The following SDK1 variants were observed in gnomAD, a reference collection of about 807,000 sequenced individuals.
SDK1 encodes the protein protein sidekick-1.
Under a neutral mutation model 245.5 loss-of-function variants are expected in SDK1, and 157 were observed. That is an observed-to-expected ratio of 0.64 (90% CI 0.56 to 0.73). The LOEUF is 0.73. Among genes scored for constraint, SDK1 ranks in the 30% least tolerant of loss-of-function variants. SDK1 has a pLI of 0.00. For missense variants in SDK1, 3,583 were observed against 3,002.3 expected (o/e 1.19, Z -4.52); for synonymous variants, 1,647 against 1,278.5 (o/e 1.29, Z -6.15).
intron 22 of SDK1, among the ~76,000 whole-genome samples, chr7:4,096,078 A>C (rs1377604686): frequency 6.6e-6 from 1 of 152,184 alleles, no homozygotes; most frequent in Non-Finnish European, 1.5e-5. Flanking sequence ...TAAAGCGTCC[A>C]CTTTCCTGTG....
chr7:3,723,943 TAGAGAGAGAGAGAGAGAG>T (rs542853903), intron 4 of SDK1, among the ~76,000 whole-genome samples: 1 of 89,696 alleles, frequency 1.1e-5, no homozygotes, highest in East Asian at 3.0e-4. Flanking sequence ...TATATATATA[TAGAGAGAGAGAGAGAGAG>T]AGAGAGAGAG....
chr7:3,779,690 T>C (rs570380026), intron 4 of SDK1, among the ~76,000 whole-genome samples: 9 of 151,828 alleles, frequency 5.9e-5, no homozygotes, highest in African/African-American at 1.9e-4. Context: ...CCCAGCACTT[T>C]GGGAGGCCGA....
At chr7:3,776,121 T>C (rs1332551406) in intron 4 of SDK1, among the ~76,000 whole-genome samples, 1 of 152,230 alleles carries the variant, frequency 6.6e-6, no homozygotes. Flanking sequence ...TCATGTATGC[T>C]GTGTGATCAG....
chr7:3,782,419 G>T (rs1450909228), intron 4 of SDK1, among the ~76,000 whole-genome samples: 1 of 152,196 alleles, frequency 6.6e-6, no homozygotes, highest in East Asian at 1.9e-4. Flanking sequence ...AGTTTACCGT[G>T]AGATTGAGAG....
chr7:3,486,470 CT>C (rs1174482043), intron 1 of SDK1, among the ~76,000 whole-genome samples: 1 of 151,932 alleles, frequency 6.6e-6, no homozygotes, highest in Non-Finnish European at 1.5e-5. Flanking sequence ...TTTTACCCCC[CT>C]AATTTTGTAA....
At chr7:3,560,302 A>T (rs562020279) in intron 1 of SDK1, among the ~76,000 whole-genome samples, 2 of 152,162 alleles carry the variant, frequency 1.3e-5, no homozygotes, top group African/African-American at 4.8e-5. Context: ...CTATATGCTG[A>T]TGATATCCAA....
chr7:3,989,639 C>G (rs940682115), intron 14 of SDK1, among the ~76,000 whole-genome samples: 3 of 152,170 alleles, frequency 2.0e-5, no homozygotes, highest in Non-Finnish European at 4.4e-5. Flanking sequence ...GTACCCTCCC[C>G]TGAAACCCAG....
chr7:3,379,631 G>T (rs374808416), intron 1 of SDK1, among the ~76,000 whole-genome samples: 3 of 152,170 alleles, frequency 2.0e-5, no homozygotes, highest in Non-Finnish European at 2.9e-5. Context: ...GGAAGAAAAA[G>T]ATGAACTTGG....
chr7:3,774,768 G>C (rs1337508035), intron 4 of SDK1, among the ~76,000 whole-genome samples: 1 of 152,096 alleles, frequency 6.6e-6, no homozygotes, highest in African/African-American at 2.4e-5. Flanking sequence ...TAGGTTTTAT[G>C]ATCTTCTCCT....
At position 3,643,954 on chromosome 7, in the gene SDK1, G is replaced by A. The variant is rs1583263849; in HGVS notation, c.713+1849G>A. On this transcript the variant is annotated intron_variant, in intron 4 of 44. Coordinates refer to ENST00000404826, the MANE Select transcript of SDK1 (RefSeq NM_152744.4). ...GAGTCCCTCTGTCACCCAGGCTGAG[G>A]TACAGTGGCGTGATCTCAGCTCACT... 2.0e-5 allele frequency among the ~76,000 whole-genome samples: 3 copies of A among 150,288 alleles called. No individual in the cohort carries two copies. In the South Asian group the frequency reaches 6.3e-4, roughly 32 times the overall value.
At chr7:3,732,922 G>A (rs1217624051) in intron 4 of SDK1, among the ~76,000 whole-genome samples, 1 of 152,162 alleles carries the variant, frequency 6.6e-6, no homozygotes, top group Non-Finnish European at 1.5e-5. Context: ...TATCTTGAGT[G>A]GAAGTTATCC....
chr7:4,209,456 G>A (rs1168147007), intron 37 of SDK1, among the ~76,000 whole-genome samples: 1 of 152,164 alleles, frequency 6.6e-6, no homozygotes, highest in East Asian at 1.9e-4. Flanking sequence ...CATCACCCCG[G>A]CCACACACCT....
At chr7:4,048,960 A>G (rs1250315649) in intron 17 of SDK1, among the ~76,000 whole-genome samples, 2 of 152,158 alleles carry the variant, frequency 1.3e-5, no homozygotes, top group Non-Finnish European at 2.9e-5. Flanking sequence ...TTAGCTTGAA[A>G]CATAGTGGTA....
chr7:4,237,690 G>A lies in SDK1; in HGVS notation c.6036G>A (p.Leu2012=), dbSNP rs774818973. The A allele has an allele frequency of 2.5e-6, 4 of 1,614,066 alleles. No individual in the cohort carries two copies. Among genetic ancestry groups the A allele is most frequent in the East Asian group, 2.2e-5 (1 of 44,862 alleles). The change falls in exon 42 of 45, where the codon CTG becomes CTA. Residue 2012 remains leucine (L), a synonymous_variant. Transcript: ENST00000404826. ...TCTACGAGGAGTGGTGGTTCCTCCT[G>A]GTGATGGCTCTGTCCAGCCTGATCG... is the stretch of plus-strand genomic sequence containing the variant. The part of the protein sequence containing the change: ...APFYEEWWFL[L]VMALSSLIVI...
intron 1 of SDK1, among the ~76,000 whole-genome samples, chr7:3,536,593 CT>C (rs1304285092): frequency 6.6e-6 from 1 of 151,914 alleles, no homozygotes; most frequent in Non-Finnish European, 1.5e-5. Flanking sequence ...ACTTGGGAGG[CT>C]GAGGCACAAG....
intron 5 of SDK1, among the ~76,000 whole-genome samples, chr7:3,868,001 A>G (rs1323187940): frequency 2.0e-5 from 3 of 152,158 alleles, no homozygotes; most frequent in African/African-American, 7.2e-5. Context: ...CTTCTCGGAA[A>G]AACCCTATTT....
At chr7:4,076,950 C>T (rs1478022902) in intron 20 of SDK1, 48 bp from the exon 21 acceptor site, 3 of 1,528,140 alleles carry the variant, frequency 2.0e-6, no homozygotes, top group Middle Eastern at 3.4e-4. Context: ...TCAGGTGAGC[C>T]CTTGGCCTTC....
chr7:3,641,348 G>A lies in SDK1; in HGVS notation c.566-610G>A, dbSNP rs556516094. On this transcript the variant is annotated intron_variant, in intron 3 of 44. Coordinates refer to ENST00000404826, the MANE Select transcript of SDK1 (RefSeq NM_152744.4). ...TTCTAATAGCTATGTTTTGTCCTAT[G>A]ACCCCATTTTTTAAATTTTTTTTAT... 1.1e-3 allele frequency among the ~76,000 whole-genome samples: 163 copies of A among 152,148 alleles called. 2 individuals carry two copies. The South Asian group carries it at 0.033, about 31-fold the overall frequency.
At chr7:4,223,497 G>A (rs1415814776) in intron 40 of SDK1, among the ~76,000 whole-genome samples, 2 of 152,180 alleles carry the variant, frequency 1.3e-5, no homozygotes, top group Non-Finnish European at 2.9e-5. Context: ...CACTTCTGGT[G>A]ATTACAGGCC....
Sources: gnomAD v4.1 joint callset for allele counts (sites outside exome capture counted in the v4.1 genomes callset) on GRCh38, gnomAD v4.1.1 for gene constraint, MANE v1.5 for transcripts, NCBI Gene and HGNC (gene_info 2026-07-23, HGNC 2026-07-21) for gene names.